The following DPP6 variants were observed in gnomAD, a reference collection of about 807,000 sequenced individuals.
DPP6 encodes dipeptidyl peptidase like 6, also known as A-type potassium channel modulatory protein DPP6.
Under a neutral mutation model 122.6 loss-of-function variants are expected in DPP6, and 69 were observed. The ratio of observed to expected loss-of-function variants is 0.56; its 90% CI spans 0.46 to 0.69. The LOEUF (loss-of-function observed/expected upper bound fraction) is 0.69, where lower values mean the gene tolerates loss of function less well. Among genes scored for constraint, DPP6 ranks in the 30% least tolerant of loss-of-function variants. The pLI, the probability that DPP6 is intolerant of heterozygous loss-of-function variation, is 0.00. For synonymous variants in DPP6, 418 were observed against 433.1 expected, an observed-to-expected ratio of 0.97 and a Z score of 0.43; for missense variants, 928 against 1,116.9, an observed-to-expected ratio of 0.83 and a Z score of 2.41.
chr7:154,690,711 A>G (rs1205859480), intron 7 of DPP6, among the ~76,000 whole-genome samples: 1 of 152,144 alleles, frequency 6.6e-6, no homozygotes, highest in Non-Finnish European at 1.5e-5. Flanking sequence ...GTCCTGTGGA[A>G]ACACCCCACT....
chr7:153,944,942 G>T (rs1378979968), intron 1 of DPP6, among the ~76,000 whole-genome samples: 1 of 152,248 alleles, frequency 6.6e-6, no homozygotes, highest in South Asian at 2.1e-4. Context: ...AACAAACCAA[G>T]CTGTTTTTTG....
At chr7:153,806,456 A>G in the DPP6 span, among the ~76,000 whole-genome samples, 2 of 151,618 alleles carry the variant, frequency 1.3e-5, no homozygotes, top group Non-Finnish European at 2.9e-5. Flanking sequence ...TCAAGGCACC[A>G]GGAACACAGG....
chr7:153,970,648 A>G (rs1585110508), intron 1 of DPP6, among the ~76,000 whole-genome samples: 4 of 152,324 alleles, frequency 2.6e-5, no homozygotes, highest in Admixed American at 2.6e-4. Flanking sequence ...TCTGTAATAC[A>G]GTTCATGTTA....
chr7:153,957,096 C>T (rs1802497182), intron 1 of DPP6, among the ~76,000 whole-genome samples: 1 of 152,156 alleles, frequency 6.6e-6, no homozygotes, highest in South Asian at 2.1e-4. Flanking sequence ...GAGATGAGTT[C>T]CTGCCACTGG....
chr7:154,647,443 G>A (rs1031115689), intron 6 of DPP6, among the ~76,000 whole-genome samples: 1 of 147,244 alleles, frequency 6.8e-6, no homozygotes, highest in African/African-American at 2.5e-5. Flanking sequence ...GATTAACCAT[G>A]TTCTTGGGGA....
At chr7:153,896,994 A>C (rs551259988) in intron 1 of DPP6, among the ~76,000 whole-genome samples, 50 of 152,020 alleles carry the variant, frequency 3.3e-4, no homozygotes, top group Non-Finnish European at 6.6e-4. Flanking sequence ...TTGTGCATCT[A>C]TTTTTTTAAG....
At chr7:153,847,768 A>G in the DPP6 span, among the ~76,000 whole-genome samples, 75 of 152,244 alleles carry the variant, frequency 4.9e-4, no homozygotes, top group African/African-American at 1.6e-3. Context: ...TTTTTCATCC[A>G]TCTATCGCCT....
intron 1 of DPP6, among the ~76,000 whole-genome samples, chr7:154,056,770 T>C (rs1231632744): frequency 6.6e-6 from 1 of 152,274 alleles, no homozygotes; most frequent in Non-Finnish European, 1.5e-5. Flanking sequence ...TTCATTGGTA[T>C]AATGTCAACA....
intron 1 of DPP6, among the ~76,000 whole-genome samples, chr7:153,952,710 T>C (rs1032415962): frequency 2.0e-5 from 3 of 152,236 alleles, no homozygotes; most frequent in African/African-American, 7.2e-5. Context: ...TCCATTCTTA[T>C]CTTATTAATA....
rs1003762958 is a variant in DPP6 at position 154,155,236 on chromosome 7, A to G, written c.243+102173A>G. On this transcript the variant is annotated intron_variant, in intron 1 of 25. Transcript: ENST00000377770. ...TGGGGATCCAAAGCATGTCCTGGGCATTGGGTAAGGGTTTAGAACCTTGTC... is the reference window on the plus strand; with the variant it reads ...TGGGGATCCAAAGCATGTCCTGGGCGTTGGGTAAGGGTTTAGAACCTTGTC... 4.6e-5 allele frequency among the ~76,000 whole-genome samples: 7 copies of G among 152,268 alleles called. No homozygotes were observed. The East Asian group carries it at 1.4e-3, about 29-fold the overall frequency.
At chr7:154,171,909 T>A (rs539347424) in intron 1 of DPP6, among the ~76,000 whole-genome samples, 3 of 152,332 alleles carry the variant, frequency 2.0e-5, no homozygotes, top group South Asian at 4.1e-4. Context: ...AATTTCTGTC[T>A]TAGTGTATTT....
rs571752148 is a variant in DPP6, at chr7:154,663,965, G to T, written c.681-5395G>T. On this transcript the variant is annotated intron_variant, in intron 6 of 25. Coordinates refer to ENST00000377770, the MANE Select transcript of DPP6 (RefSeq NM_130797.4). ...AGATGAATCACCATGGCGTATTGGC[G>T]CTAGTATTCATATAGTCATGATGAA... 9.6e-3 allele frequency among the ~76,000 whole-genome samples: 875 copies of T among 91,488 alleles called. 20 individuals are homozygous for T. Among genetic ancestry groups the T allele is most frequent in the Middle Eastern group, 0.062 (8 of 130 alleles). The allele number at this position is 91,488 out of a possible 152,430, so 60.0% of individuals were successfully genotyped here.
Position 154,880,998 on chromosome 7 carries a change from A to G in DPP6, c.2133+56A>G, listed in dbSNP as rs1466546915. 8 of 1,592,948 alleles carry G rather than the reference A, an allele frequency of 5.0e-6. No individual in the cohort carries two copies. The Admixed American group carries it at 1.4e-4, about 28-fold the overall frequency. ...CCTCAGTTCCAGTGTGGCCTGCACC[A>G]TTACCCACGTCTAATCCTGATTTAT... is the stretch of plus-strand genomic sequence containing the variant. On this transcript the variant is annotated intron_variant, in intron 21 of 25. Transcript: ENST00000377770.
intron 16 of DPP6, among the ~76,000 whole-genome samples, chr7:154,853,487 C>T (rs1345084715): frequency 6.6e-6 from 1 of 152,178 alleles, no homozygotes; most frequent in Non-Finnish European, 1.5e-5. Context: ...AGGATATAAA[C>T]CAAATGTAAT....
intron 8 of DPP6, among the ~76,000 whole-genome samples, chr7:154,765,092 A>G (rs1302356963): frequency 6.6e-6 from 1 of 152,200 alleles, no homozygotes; most frequent in Non-Finnish European, 1.5e-5. Flanking sequence ...CAGCACACAT[A>G]TGAATGAGAT....
chr7:154,616,424 GC>G (rs1187179372), intron 5 of DPP6, among the ~76,000 whole-genome samples: 1 of 152,150 alleles, frequency 6.6e-6, no homozygotes, highest in East Asian at 1.9e-4. Flanking sequence ...AAGTTCTAAC[GC>G]CCCCCTCCCC....
intron 7 of DPP6, among the ~76,000 whole-genome samples, chr7:154,700,537 G>A (rs568559427): frequency 3.3e-5 from 5 of 152,352 alleles, no homozygotes; most frequent in Middle Eastern, 6.8e-3. Context: ...GCTTCAGGGA[G>A]TTTGCTGCTG....
chr7:153,898,358 G>T (rs1799496861), intron 1 of DPP6, among the ~76,000 whole-genome samples: 1 of 152,100 alleles, frequency 6.6e-6, no homozygotes, highest in South Asian at 2.1e-4. Flanking sequence ...AGGCTTAGGT[G>T]CAAGGATTGC....
the DPP6 span, among the ~76,000 whole-genome samples, chr7:153,784,049 G>T: frequency 2.0e-5 from 3 of 146,452 alleles, no homozygotes; most frequent in Admixed American, 6.8e-5. Context: ...CCCTATACAT[G>T]TTGGTTTGCC....
Sources: gnomAD v4.1 joint callset for allele counts (sites outside exome capture counted in the v4.1 genomes callset) on GRCh38, gnomAD v4.1.1 for gene constraint, MANE v1.5 for transcripts, NCBI Gene and HGNC (gene_info 2026-07-23, HGNC 2026-07-21) for gene names.